The following QSER1 variants were observed in gnomAD, a reference collection of about 807,000 sequenced individuals.
QSER1 encodes the protein glutamine and serine rich 1.
QSER1 carries 49 observed loss-of-function variants against 158.5 expected under a neutral mutation model. That is an observed-to-expected ratio of 0.31 (90% CI 0.25 to 0.39). QSER1 has a LOEUF of 0.39. QSER1 is among the 10% of genes least tolerant of loss of function. QSER1 has a pLI of 1.00. For synonymous variants in QSER1, 650 were observed against 715.5 expected (o/e 0.91, Z 1.46); for missense variants, 1,754 against 2,010.3 (o/e 0.87, Z 2.44).
At chr11:32,897,025 A>C (rs1851564394) in intron 1 of QSER1, among the ~76,000 whole-genome samples, 1 of 152,204 alleles carries the variant, frequency 6.6e-6, no homozygotes, top group Non-Finnish European at 1.5e-5. Flanking sequence ...CCGTGTTGTA[A>C]GTAATAGTAG....
intron 10 of QSER1, 126 bp from the exon 11 acceptor site, chr11:32,973,271 G>A: frequency 1.1e-6 from 1 of 924,606 alleles, no homozygotes; most frequent in Non-Finnish European, 1.7e-6. Context: ...ATAGGTGTTT[G>A]TGTGCACACA....
rs1266570960 is a variant in QSER1, at chr11:32,964,738, A to ATG, written c.4970-1561_4970-1560insGT. Among the ~76,000 whole-genome samples the ATG allele has an allele frequency of 2.3e-3, 268 of 117,406 alleles. 10 individuals carry two copies. The highest frequency in any genetic ancestry group is 7.6e-3 in the African/African-American group (225 of 29,632). The allele number at this position is 117,406 out of a possible 152,430, so 77.0% of individuals were successfully genotyped here. ...ACACCATATATATATATATATATAT[A>ATG]TACACACACACACACACACACACAC... is the stretch of plus-strand genomic sequence containing the variant. On this transcript the variant is annotated intron_variant, in intron 8 of 12. Transcript: ENST00000650167.
intron 4 of QSER1, among the ~76,000 whole-genome samples, chr11:32,953,090 C>T (rs1487475561): frequency 1.3e-5 from 2 of 151,902 alleles, no homozygotes. Flanking sequence ...TGTGAGCCAC[C>T]GTGCATGGCC....
chr11:32,935,280 C>T lies in QSER1; in HGVS notation c.4022C>T (p.Pro1341Leu). Residue 1341 changes from proline (P) to leucine (L), a missense_variant, in exon 4 of 13, where the codon CCA (proline) becomes CTA (leucine). This residue lies in a region of QSER1 where 1,707 missense variants were observed against 1,919.6 expected (regional missense o/e 0.89). Coordinates refer to ENST00000650167, the MANE Select transcript of QSER1 (RefSeq NM_001076786.3). ...PLVSETGGNS[P>L]SDKVDNELKN... Reference sequence around the variant, plus strand: ...GTGTCTGAAACTGGCGGTAACAGTCCATCAGATAAAGTTGATAATGAACTT... The same window carrying T: ...GTGTCTGAAACTGGCGGTAACAGTCTATCAGATAAAGTTGATAATGAACTT... The T allele has an allele frequency of 6.2e-7, 1 of 1,613,794 alleles. No individual in the cohort carries two copies. Among genetic ancestry groups the T allele is most frequent in the Non-Finnish European group, 8.5e-7 (1 of 1,179,904 alleles).
Position 32,933,781 on chromosome 11 carries a change from A to C in QSER1, c.2523A>C (p.Leu841Phe). Residue 841 changes from leucine to phenylalanine, a missense_variant, in exon 4 of 13, where the codon TTA becomes TTC. Transcript: ENST00000650167. ...SSQIQIPNHA[L>F]GHGHQASLPN... is the part of the protein sequence containing the mutation. Reference sequence around the variant, plus strand: ...AGATTCAAATTCCAAATCATGCTTTAGGGCATGGCCATCAGGCATCTCTTC... The same window carrying C: ...AGATTCAAATTCCAAATCATGCTTTCGGGCATGGCCATCAGGCATCTCTTC... The C allele has an allele frequency of 6.2e-7, 1 of 1,614,016 alleles. No homozygotes were observed. Among genetic ancestry groups the C allele is most frequent in the Non-Finnish European group, 8.5e-7 (1 of 1,179,978 alleles).
chr11:32,918,376 G>C (rs1477371538), intron 1 of QSER1, among the ~76,000 whole-genome samples: 1 of 152,024 alleles, frequency 6.6e-6, no homozygotes, highest in Non-Finnish European at 1.5e-5. Context: ...AGGGCATGTG[G>C]AGAGAGAGGA....
At chr11:32,938,510 A>G (rs538059704) in intron 4 of QSER1, among the ~76,000 whole-genome samples, 98 of 152,298 alleles carry the variant, frequency 6.4e-4, no homozygotes, top group African/African-American at 2.3e-3. Flanking sequence ...AGCCTGTGGT[A>G]CTCCACATTT....
chr11:32,963,354 C>G (rs1443783998), intron 8 of QSER1, among the ~76,000 whole-genome samples: 1 of 151,912 alleles, frequency 6.6e-6, no homozygotes, highest in African/African-American at 2.4e-5. Context: ...GTTGCCCAGG[C>G]TCTGTTTGTT....
chr11:32,911,820 C>T (rs1215514941), intron 1 of QSER1, among the ~76,000 whole-genome samples: 1 of 152,180 alleles, frequency 6.6e-6, no homozygotes, highest in Non-Finnish European at 1.5e-5. Flanking sequence ...AGTTTCACAT[C>T]ATTCTTTATA....
chr11:32,964,643 C>G (rs1048645178), intron 8 of QSER1, among the ~76,000 whole-genome samples: 4 of 146,664 alleles, frequency 2.7e-5, no homozygotes, highest in African/African-American at 1.0e-4. Flanking sequence ...ACAGGAGGAT[C>G]ACTTGAGGCT....
chr11:32,928,015 GAGT>G lies in QSER1; in HGVS notation c.377_379del (p.Glu126_Ser127delinsAla). ...GAACAGTGCCAGCAGTAACACTAAA[GAGT>G]CTTCAGTGATGAATTTTCTGTCTAC... On this transcript the variant is annotated inframe_deletion, in exon 3 of 13. Coordinates refer to ENST00000650167, the MANE Select transcript of QSER1 (RefSeq NM_001076786.3). 6.4e-7 allele frequency: 1 copy of G among 1,561,376 alleles called. No homozygotes were observed.
chr11:32,947,921 T>A (rs180964741), intron 4 of QSER1, among the ~76,000 whole-genome samples: 4 of 152,232 alleles, frequency 2.6e-5, no homozygotes, highest in Admixed American at 6.5e-5. Context: ...AGCATTTTTT[T>A]AGTATTTTTC....
At chr11:32,924,560 CAAAAAAAAA>C (rs371281813) in intron 1 of QSER1, among the ~76,000 whole-genome samples, 1 of 58,516 alleles carries the variant, frequency 1.7e-5, no homozygotes, top group East Asian at 5.2e-4. Flanking sequence ...GACCCTGTCT[CAAAAAAAAA>C]AAAAAAAAAA....
chr11:32,902,199 T>C lies in QSER1; in HGVS notation c.209+8865T>C, dbSNP rs776594205. ...AATTTTCTCCTAGAGGAAGTGCACT[T>C]CCCTGAGATCTGAGGAAGCAGCAAG... On this transcript the variant is annotated intron_variant, in intron 1 of 12. Transcript: ENST00000650167. Among the ~76,000 whole-genome samples, 15 of 152,270 alleles carry C rather than the reference T, an allele frequency of 9.9e-5. No individual in the cohort carries two copies. In the South Asian group the frequency reaches 1.0e-3, roughly 11 times the overall value.
At chr11:32,965,224 G>T (rs1446115070) in intron 8 of QSER1, among the ~76,000 whole-genome samples, 1 of 151,774 alleles carries the variant, frequency 6.6e-6, no homozygotes, top group African/African-American at 2.4e-5. Flanking sequence ...CAATCCTCCC[G>T]CCTCAGCCTC....
At chr11:32,965,697 A>G (rs1048640997) in intron 8 of QSER1, among the ~76,000 whole-genome samples, 2 of 152,074 alleles carry the variant, frequency 1.3e-5, no homozygotes, top group Non-Finnish European at 2.9e-5. Flanking sequence ...CTGTAATCCC[A>G]ACACTTTGGT....
chr11:32,932,819 C>T lies in QSER1; in HGVS notation c.1561C>T (p.Leu521Phe). ...GACTGTAACTCCTGAAAATCAGACGCTTAATTATTCATCTAATCAGCAAGA... is the reference window on the plus strand; with the variant it reads ...GACTGTAACTCCTGAAAATCAGACGTTTAATTATTCATCTAATCAGCAAGA... ...SQTVTPENQT[L>F]NYSSNQQEVL... is the part of the protein sequence containing the mutation. The change falls in exon 4 of 13, where the codon CTT becomes TTT. Residue 521 changes from leucine to phenylalanine, a missense_variant. Around this residue, in one of 2 missense-constraint regions of QSER1, gnomAD observed 1,707 missense variants for 1,919.6 expected, o/e 0.89. Transcript: ENST00000650167. The T allele has an allele frequency of 1.2e-6, 2 of 1,613,988 alleles. No individual in the cohort carries two copies. The highest frequency in any genetic ancestry group is 1.7e-6 in the Non-Finnish European group (2 of 1,179,956).
intron 4 of QSER1, among the ~76,000 whole-genome samples, chr11:32,953,621 C>T (rs911381249): frequency 1.3e-5 from 2 of 152,116 alleles, no homozygotes; most frequent in East Asian, 1.9e-4. Context: ...GAATTGGCAG[C>T]GGGAGGATAG....
chr11:32,937,002 G>A (rs971398951), intron 4 of QSER1, among the ~76,000 whole-genome samples: 5 of 152,090 alleles, frequency 3.3e-5, no homozygotes, highest in African/African-American at 9.7e-5. Context: ...GTTTTATAAC[G>A]TCTCACCCAG....
Sources: gnomAD v4.1 joint callset for allele counts (sites outside exome capture counted in the v4.1 genomes callset) on GRCh38, gnomAD v4.1.1 for gene constraint, gnomAD v4.1.1 regional missense constraint, MANE v1.5 for transcripts, NCBI Gene and HGNC (gene_info 2026-07-23, HGNC 2026-07-21) for gene names.